The following SLC25A19 variants were observed in gnomAD, a reference collection of about 807,000 sequenced individuals.
SLC25A19 encodes solute carrier family 25 member 19.
Under a neutral mutation model 27.9 loss-of-function variants are expected in SLC25A19, and 18 were observed. The ratio of observed to expected loss-of-function variants is 0.64; its 90% CI spans 0.45 to 0.96. The LOEUF (loss-of-function observed/expected upper bound fraction) is 0.96, where lower values mean the gene tolerates loss of function less well. Ranked by LOEUF, SLC25A19 falls within the 40% of genes least tolerant of loss-of-function variation. The probability of loss-of-function intolerance (pLI) is 0.00; values close to 1 mark genes in which losing one functional copy is unlikely to be tolerated. For missense variants in SLC25A19, 371 were observed against 418.3 expected (o/e 0.89, Z 0.99); for synonymous variants, 169 against 167.1 (o/e 1.01, Z -0.09).
Position 75,286,664 on chromosome 17 carries a change from C to A in SLC25A19, c.101G>T (p.Ser34Ile). The part of the protein sequence containing the change: ...VSGLVTRALI[S>I]PFDVIKIRFQ... ...ACGGATCTTGATGACGTCGAAGGGA[C>A]TGATCAGCGCCCGAGTAACAAGTCC... Residue 34 changes from serine to isoleucine, a missense_variant, in exon 3 of 8, where the codon AGT becomes ATT. Transcript: ENST00000416858. 1 of 1,614,150 alleles carries A rather than the reference C, an allele frequency of 6.2e-7. No individual in the cohort carries two copies. Among genetic ancestry groups the A allele is most frequent in the Non-Finnish European group, 8.5e-7 (1 of 1,180,042 alleles).
rs138376525 is a variant in SLC25A19, at chr17:75,273,572, A to C, written c.842T>G (p.Phe281Cys). 219 of 1,614,014 alleles carry C rather than the reference A, an allele frequency of 1.4e-4. No individual in the cohort carries two copies. In the African/African-American group the frequency reaches 1.7e-3, roughly 13 times the overall value. Residue 281 changes from phenylalanine (F) to cysteine (C), a missense_variant, in exon 8 of 8, where the codon TTC becomes TGC. Physicochemically the swap from Phe to Cys is radical, Grantham distance 205 (BLOSUM62 -2). Coordinates refer to ENST00000416858, the MANE Select transcript of SLC25A19 (RefSeq NM_001126121.2). ...QVLQKEGALG[F>C]FKGLSPSLLK... Reference sequence around the variant, plus strand: ...CAAGCTGGGGGACAGGCCCTTGAAGAAGCCCAGGGCGCCTTCCTTTTGCAG... The same window carrying C: ...CAAGCTGGGGGACAGGCCCTTGAAGCAGCCCAGGGCGCCTTCCTTTTGCAG...
At chr17:75,281,897 C>T (rs940124457) in intron 5 of SLC25A19, among the ~76,000 whole-genome samples, 1 of 152,186 alleles carries the variant, frequency 6.6e-6, no homozygotes, top group Admixed American at 6.6e-5. Flanking sequence ...GTGCTGCCCA[C>T]AGTCATGGGT....
intron 5 of SLC25A19, among the ~76,000 whole-genome samples, chr17:75,281,142 T>C (rs1004443970): frequency 2.0e-5 from 3 of 151,956 alleles, no homozygotes; most frequent in African/African-American, 7.2e-5. Flanking sequence ...CAGCAAGCTA[T>C]TGCAGCCATT....
At position 75,276,648 on chromosome 17, in the gene SLC25A19, G is replaced by C. The variant is rs1053095572; in HGVS notation, c.774+705C>G. 3.0e-4 allele frequency among the ~76,000 whole-genome samples: 45 copies of C among 149,246 alleles called. 5 individuals carry two copies. Among genetic ancestry groups the C allele is most frequent in the South Asian group, 2.1e-3 (10 of 4,694 alleles). ...CTCCCAAAATGTTGGGATTACAGGA[G>C]TGAGCCACCACGTCCACGCCCAGCC... On this transcript the variant is annotated intron_variant, in intron 7 of 7. Transcript: ENST00000416858.
At position 75,273,631 on chromosome 17, in the gene SLC25A19, T is replaced by TG. The variant is rs774960210; in HGVS notation, c.782_783insC (p.Arg261SerfsTer44). On this transcript the variant is annotated frameshift_variant, in exon 8 of 8. Transcript: ENST00000416858. LOFTEE classifies it high-confidence loss of function. ...TGGCACAGTCCATGAGGCCCTTGTA[T>TG]CTCCGTACCTGGGGAGAGGAAAGGG... 1 of 1,612,578 alleles carries TG rather than the reference T, an allele frequency of 6.2e-7. No homozygotes were observed. The highest frequency in any genetic ancestry group is 8.5e-7 in the Non-Finnish European group (1 of 1,179,846).
chr17:75,275,849 G>A (rs926263105), intron 7 of SLC25A19, among the ~76,000 whole-genome samples: 1 of 152,118 alleles, frequency 6.6e-6, no homozygotes, highest in Non-Finnish European at 1.5e-5. Context: ...GCGGGCGCCT[G>A]TAATCCCAGC....
Position 75,286,638 on chromosome 17 carries a change from A to G in SLC25A19, c.127T>C (p.Phe43Leu). 6.2e-7 allele frequency: 1 copy of G among 1,614,152 alleles called. No homozygotes were observed. Among genetic ancestry groups the G allele is most frequent in the Middle Eastern group, 1.6e-4 (1 of 6,062 alleles). Reference sequence around the variant, plus strand: ...TGGAAAAAGGGGAAGAGTACCTGGAAACGGATCTTGATGACGTCGAAGGGA... The same window carrying G: ...TGGAAAAAGGGGAAGAGTACCTGGAGACGGATCTTGATGACGTCGAAGGGA... ...ISPFDVIKIR[F>L]QLQHERLSRS... The change falls in exon 3 of 8, where the codon TTC (phenylalanine) becomes CTC (leucine). Residue 43 changes from phenylalanine to leucine, a missense_variant. Coordinates refer to ENST00000416858, the MANE Select transcript of SLC25A19 (RefSeq NM_001126121.2).
chr17:75,277,471 T>C lies in SLC25A19; in HGVS notation c.656A>G (p.Asn219Ser). Residue 219 changes from asparagine to serine, a missense_variant, in exon 7 of 8, where the codon AAC becomes AGC. Coordinates refer to ENST00000416858, the MANE Select transcript of SLC25A19 (RefSeq NM_001126121.2). ...ACCAGCTCCACTGCCACAAAGCAGG[T>C]TTTGGAGGTTCTCTGAACCAGAGAA... is the stretch of plus-strand genomic sequence containing the variant. ...AEGKKNENLQ[N>S]LLCGSGAGVI... 1 of 1,613,854 alleles carries C rather than the reference T, an allele frequency of 6.2e-7. No homozygotes were observed. Among genetic ancestry groups the C allele is most frequent in the Non-Finnish European group, 8.5e-7 (1 of 1,179,912 alleles).
At chr17:75,276,766 C>G (rs1239994915) in intron 7 of SLC25A19, among the ~76,000 whole-genome samples, 4 of 136,178 alleles carry the variant, frequency 2.9e-5, no homozygotes, top group African/African-American at 7.5e-5. Context: ...ACTCCACCTC[C>G]CGGGTTCACA....
intron 7 of SLC25A19, among the ~76,000 whole-genome samples, chr17:75,276,626 C>A (rs2077894804): frequency 6.7e-6 from 1 of 149,754 alleles, no homozygotes; most frequent in South Asian, 2.1e-4. Context: ...TCTCGGCCTC[C>A]CAAAATGTTG....
chr17:75,274,973 CTTTTTTTTTTTTTTTTTT>C (rs67040059), intron 7 of SLC25A19, among the ~76,000 whole-genome samples: 11 of 47,196 alleles, frequency 2.3e-4, no homozygotes, highest in East Asian at 8.6e-4. Flanking sequence ...GGATTTTGGT[CTTTTTTTTTTTTTTTTTT>C]TTTTTTTTTT....
rs1246484820 is a variant in SLC25A19 at position 75,273,276 on chromosome 17, CA to C, written c.*174del. 17 of 646,512 alleles carry C rather than the reference CA, an allele frequency of 2.6e-5. No homozygotes were observed. Among genetic ancestry groups the C allele is most frequent in the Middle Eastern group, 4.1e-4 (1 of 2,456 alleles). The allele number at this position is 646,512 out of a possible 1,614,324, so 40.0% of individuals were successfully genotyped here. ...CGTCCTGCATTCCCTCTGATTCTCT[CA>C]TGGGGAGAGCCCTGGACCTTCTGGT... On this transcript the variant is annotated 3_prime_UTR_variant, in exon 8 of 8. Coordinates refer to ENST00000416858, the MANE Select transcript of SLC25A19 (RefSeq NM_001126121.2).
intron 5 of SLC25A19, among the ~76,000 whole-genome samples, chr17:75,280,723 G>C (rs191752671): frequency 6.6e-6 from 1 of 152,150 alleles, no homozygotes; most frequent in African/African-American, 2.4e-5. Flanking sequence ...TGAGGCGGGA[G>C]AATCACTTAA....
At chr17:75,283,721 G>A in intron 4 of SLC25A19, 128 bp from the exon 5 acceptor site, 1 of 863,234 alleles carries the variant, frequency 1.2e-6, no homozygotes, top group Non-Finnish European at 1.9e-6. Context: ...GTCAGGAAAT[G>A]TTCTTCTTGA....
At chr17:75,274,936 G>A (rs922436564) in intron 7 of SLC25A19, among the ~76,000 whole-genome samples, 5 of 145,676 alleles carry the variant, frequency 3.4e-5, no homozygotes, top group African/African-American at 1.0e-4. Flanking sequence ...GGTTCCATGT[G>A]GTTATCTGTG....
chr17:75,277,667 C>T (rs184824382), intron 6 of SLC25A19, among the ~76,000 whole-genome samples, 184 bp from the exon 7 acceptor site: 7 of 152,248 alleles, frequency 4.6e-5, no homozygotes, highest in Non-Finnish European at 8.8e-5. Flanking sequence ...GAGCCAGACA[C>T]GGCCACTTCT....
chr17:75,280,232 G>A (rs927520359), intron 5 of SLC25A19, among the ~76,000 whole-genome samples: 1 of 152,056 alleles, frequency 6.6e-6, no homozygotes, highest in African/African-American at 2.4e-5. Flanking sequence ...TTAGCCAGGT[G>A]TGGTACCAAG....
rs1441702801 is a variant in SLC25A19, at chr17:75,283,524, C to A, written c.358G>T (p.Val120Leu). Residue 120 changes from valine to leucine, a missense_variant, in exon 5 of 8, where the codon GTG becomes TTG. Val to Leu is a conservative substitution (Grantham distance 32). Coordinates refer to ENST00000416858, the MANE Select transcript of SLC25A19 (RefSeq NM_001126121.2). ...GCCAGGCCACCACATACAAAGTGCA[C>A]TGAGAATTCCCGGGCGTCATACACG... ...GSVYDAREFS[V>L]HFVCGGLAAC... 6.2e-7 allele frequency: 1 copy of A among 1,613,758 alleles called. No homozygotes were observed. The highest frequency in any genetic ancestry group is 8.5e-7 in the Non-Finnish European group (1 of 1,179,906).
chr17:75,273,416 C>A lies in SLC25A19; in HGVS notation c.*35G>T. ...ACTGAATCTTCCTTCCTTCAGGAGG[C>A]TGCCTCCAGGGAAGACCTGGGGTCC... On this transcript the variant is annotated 3_prime_UTR_variant, in exon 8 of 8. Transcript: ENST00000416858. 2 of 1,603,294 alleles carry A rather than the reference C, an allele frequency of 1.2e-6. No individual in the cohort carries two copies.
Sources: gnomAD v4.1 joint callset for allele counts (sites outside exome capture counted in the v4.1 genomes callset) on GRCh38, gnomAD v4.1.1 for gene constraint, MANE v1.5 for transcripts, NCBI Gene and HGNC (gene_info 2026-07-23, HGNC 2026-07-21) for gene names.